CTSB: variants seen among roughly 807,000 people sequenced by gnomAD.
The protein encoded by CTSB is cathepsin B.
A neutral mutation model predicts 44.3 loss-of-function variants in CTSB; 57 were observed. The observed-to-expected ratio is 1.29, with a 90% CI of 1.04 to 1.60. The LOEUF (loss-of-function observed/expected upper bound fraction) is 1.60, where lower values mean the gene tolerates loss of function less well. Among genes scored for constraint, CTSB ranks in the 40% most tolerant of loss-of-function variants. The pLI, the probability that CTSB is intolerant of heterozygous loss-of-function variation, is 0.00. For missense variants in CTSB, 768 were observed against 443.0 expected (o/e 1.73, Z -6.59); for synonymous variants, 320 against 168.0 (o/e 1.91, Z -7.00).
intron 5 of CTSB, chr8:11,848,405 T>C: frequency 1.6e-6 from 1 of 625,120 alleles, no homozygotes; most frequent in Non-Finnish European, 3.0e-6. Flanking sequence ...CCTGTTCATG[T>C]CCATACCAGA....
At chr8:11,855,234 C>T (rs570881235) in intron 1 of CTSB, among the ~76,000 whole-genome samples, 1 of 152,256 alleles carries the variant, frequency 6.6e-6, no homozygotes, top group South Asian at 2.1e-4. Context: ...TTTGGCCAGG[C>T]TGGTCTCGAA....
rs748565510 is a variant in CTSB, at chr8:11,845,208, GTATTT to G, written c.932_936del (p.Lys311ThrfsTer44). ...ATTCCACAGTGATCCTGTCCTCTGA[GTATTT>G]TAAAGAAGCCTGGGAATAAAAAGTA... On this transcript the variant is annotated frameshift_variant, in exon 10 of 10. Transcript: ENST00000353047. LOFTEE classifies it high-confidence loss of function. The G allele has an allele frequency of 1.2e-6, 2 of 1,613,056 alleles. No individual in the cohort carries two copies. The highest frequency in any genetic ancestry group is 1.7e-6 in the Non-Finnish European group (2 of 1,179,052).
At position 11,847,673 on chromosome 8, in the gene CTSB, C is replaced by G. The variant is rs185454596; in HGVS notation, c.676+6G>C. On this transcript the variant is annotated splice_donor_region_variant and intron_variant, in intron 7 of 9. Coordinates refer to ENST00000353047, the MANE Select transcript of CTSB (RefSeq NM_001908.5). ...GTGCGCCGTGGCCAGGCCCCAGGCC[C>G]CTTACCGTAGTGCTTGTCCTGTTTG... is the stretch of plus-strand genomic sequence containing the variant. The G allele has an allele frequency of 6.5e-7, 1 of 1,535,852 alleles. No homozygotes were observed. Among genetic ancestry groups the G allele is most frequent in the Admixed American group, 2.2e-5 (1 of 45,044 alleles).
Position 11,845,352 on chromosome 8 carries a change from A to G in CTSB, c.923-130T>C. ...CTGTTGGCCCACTAGCACAGTCCTC[A>G]ACACCACAAGGCTTCTGGAGCCGTG... On this transcript the variant is annotated intron_variant, in intron 9 of 9. Coordinates refer to ENST00000353047, the MANE Select transcript of CTSB (RefSeq NM_001908.5). 3 of 726,836 alleles carry G rather than the reference A, an allele frequency of 4.1e-6. No homozygotes were observed. In the Admixed American group the frequency reaches 7.1e-5, roughly 17 times the overall value. 45.0% of individuals were successfully genotyped at this position (726,836 alleles called of 1,614,324 possible). A position where few individuals can be genotyped will look rare whatever the true frequency, so the allele number is the denominator to read the frequency against.
chr8:11,860,929 A>G (rs140276824), intron 1 of CTSB, among the ~76,000 whole-genome samples: 1 of 152,256 alleles, frequency 6.6e-6, no homozygotes, highest in Non-Finnish European at 1.5e-5. Flanking sequence ...TCAACCTGCC[A>G]GACACACCTC....
chr8:11,852,756 GC>G, intron 2 of CTSB, 61 bp from the exon 3 acceptor site: 1 of 1,483,942 alleles, frequency 6.7e-7, no homozygotes. Flanking sequence ...TGGGCACGCT[GC>G]CCACACACGA....
intron 2 of CTSB, 36 bp downstream of exon 2, chr8:11,853,293 G>A (rs533439351): frequency 6.2e-7 from 1 of 1,610,344 alleles, no homozygotes; most frequent in African/African-American, 1.3e-5. Flanking sequence ...ACCGACCTGG[G>A]AGGGGACATA....
At chr8:11,850,283 G>C (rs28689832) in intron 4 of CTSB, among the ~76,000 whole-genome samples, 9 of 151,830 alleles carry the variant, frequency 5.9e-5, no homozygotes, top group Non-Finnish European at 1.2e-4. Context: ...GCTGGGCGTG[G>C]TGGCACATGC....
intron 1 of CTSB, among the ~76,000 whole-genome samples, chr8:11,866,216 G>T (rs931044826): frequency 6.6e-6 from 1 of 152,104 alleles, no homozygotes; most frequent in African/African-American, 2.4e-5. Flanking sequence ...GGAAAGAAAA[G>T]AACCTGCCTA....
Position 11,847,785 on chromosome 8 carries a change from G to C in CTSB, c.570C>G (p.His190Gln). 1 of 1,598,586 alleles carries C rather than the reference G, an allele frequency of 6.3e-7. No homozygotes were observed. The highest frequency in any genetic ancestry group is 8.5e-7 in the Non-Finnish European group (1 of 1,175,702). Residue 190 changes from histidine to glutamine, a missense_variant, in exon 7 of 10, where the codon CAC (histidine) becomes CAG (glutamine). By Grantham distance (24) the His-to-Gln change is conservative. Coordinates refer to ENST00000353047, the MANE Select transcript of CTSB (RefSeq NM_001908.5). Reference protein sequence around the residue: ...RPYSIPPCEHHVNGSRPPCTG... With the variant: ...RPYSIPPCEHQVNGSRPPCTG... ...TGCATGGGGGCCGGGAGCCGTTGAC[G>C]TGGTGCTCACAGGGAGGGATGGAGT...
chr8:11,852,948 T>A (rs1218906516), intron 2 of CTSB, among the ~76,000 whole-genome samples: 1 of 152,118 alleles, frequency 6.6e-6, no homozygotes, highest in Non-Finnish European at 1.5e-5. Flanking sequence ...CATTCTTGGT[T>A]CTCAGTCCGA....
intron 1 of CTSB, among the ~76,000 whole-genome samples, chr8:11,855,324 G>C (rs750391359): frequency 6.6e-6 from 1 of 152,058 alleles, no homozygotes. Context: ...CAGGCCCACA[G>C]ATCTTAATTT....
At chr8:11,852,156 A>C (rs962233617) in intron 3 of CTSB, among the ~76,000 whole-genome samples, 2 of 152,166 alleles carry the variant, frequency 1.3e-5, no homozygotes, top group Non-Finnish European at 2.9e-5. Context: ...TGACTTGCTG[A>C]GGCCAAGAGT....
At chr8:11,847,561 T>C (rs1813634087) in intron 7 of CTSB, 118 bp downstream of exon 7, 3 of 1,146,970 alleles carry the variant, frequency 2.6e-6, no homozygotes, top group Non-Finnish European at 3.6e-6. Context: ...CCCTCCTCTA[T>C]CCTAGAGTTC....
chr8:11,865,621 G>C (rs903930534), intron 1 of CTSB: 1 of 150,908 alleles, frequency 6.6e-6, no homozygotes, highest in African/African-American at 2.4e-5. Context: ...AAGAAGAATC[G>C]ACATACCTGT....
At chr8:11,861,499 C>T (rs998236018) in intron 1 of CTSB, 1 of 152,310 alleles carries the variant, frequency 6.6e-6, no homozygotes, top group Non-Finnish European at 1.5e-5. Flanking sequence ...GAATATTGTA[C>T]AAGGTCAGCC....
At chr8:11,845,297 C>T in intron 9 of CTSB, 75 bp from the exon 10 acceptor site, 9 of 1,132,892 alleles carry the variant, frequency 7.9e-6, no homozygotes, top group Admixed American at 3.7e-5. Context: ...CCTTAAAAGA[C>T]CTTAAGTCAC....
In CTSB at chr8:11,852,693, G is replaced by A. The variant is rs149724176; in HGVS notation, c.129C>T (p.Ala43=). The A allele has an allele frequency of 2.2e-4, 356 of 1,613,788 alleles. No homozygotes were observed. In the South Asian group the frequency reaches 3.1e-3, roughly 14 times the overall value. ...TGTCCACGTTGTAGAAGTTGTGCCC[G>A]GCCTGGAAGAGAGTCACCCACTGAC... ...YVNKRNTTWQ[A]GHNFYNVDMS... Residue 43 remains alanine (A), a splice_region_variant and synonymous_variant, in exon 3 of 10, where the codon GCC becomes GCT. Coordinates refer to ENST00000353047, the MANE Select transcript of CTSB (RefSeq NM_001908.5).
At chr8:11,852,956 C>T (rs776169864) in intron 2 of CTSB, among the ~76,000 whole-genome samples, 7 of 152,080 alleles carry the variant, frequency 4.6e-5, no homozygotes, top group East Asian at 1.9e-4. Context: ...GTTCTCAGTC[C>T]GAGGGTCAGG....
Sources: gnomAD v4.1 joint callset for allele counts (sites outside exome capture counted in the v4.1 genomes callset) on GRCh38, gnomAD v4.1.1 for gene constraint, MANE v1.5 for transcripts, NCBI Gene and HGNC (gene_info 2026-07-23, HGNC 2026-07-21) for gene names.